Variants in LMNTD1 observed in about 807,000 individuals in gnomAD.
LMNTD1 encodes lamin tail domain-containing protein 1.
Under a neutral mutation model 50.9 loss-of-function variants are expected in LMNTD1, and 35 were observed. That is an observed-to-expected ratio of 0.69 (90% CI 0.53 to 0.91). The LOEUF (loss-of-function observed/expected upper bound fraction) is 0.91. Among genes scored for constraint, LMNTD1 ranks in the 40% least tolerant of loss-of-function variants. The pLI, the probability that LMNTD1 is intolerant of heterozygous loss-of-function variation, is 0.00. For missense variants in LMNTD1, 470 were observed against 475.5 expected, an observed-to-expected ratio of 0.99 and a Z score of 0.11; for synonymous variants, 153 against 161.9, an observed-to-expected ratio of 0.94 and a Z score of 0.42.
At chr12:25,527,494 T>A (rs1429998657) in intron 4 of LMNTD1, among the ~76,000 whole-genome samples, 2 of 151,298 alleles carry the variant, frequency 1.3e-5, no homozygotes, top group East Asian at 3.9e-4. Flanking sequence ...CATATCATTA[T>A]GTATCAGCAT....
At chr12:25,562,120 C>G (rs902759976) in intron 1 of LMNTD1, among the ~76,000 whole-genome samples, 3 of 152,174 alleles carry the variant, frequency 2.0e-5, no homozygotes, top group African/African-American at 7.2e-5. Context: ...TTAATTGGAA[C>G]ATTTAGCCCA....
chr12:25,633,139 A>C (rs1041219787), intron 1 of LMNTD1, among the ~76,000 whole-genome samples: 1 of 152,168 alleles, frequency 6.6e-6, no homozygotes, highest in Admixed American at 6.5e-5. Flanking sequence ...GATCCTAAAC[A>C]TATATCCACC....
At position 25,526,758 on chromosome 12, in the gene LMNTD1, C is replaced by T; in HGVS notation, c.678+11G>A. The T allele has an allele frequency of 6.4e-7, 1 of 1,572,432 alleles. No individual in the cohort carries two copies. The highest frequency in any genetic ancestry group is 8.7e-7 in the Non-Finnish European group (1 of 1,149,846). On this transcript the variant is annotated intron_variant, in intron 5 of 9. Transcript: ENST00000458174. Reference sequence around the variant, plus strand: ...AATTCTAATGTACAGTATTTATACTCTTATACTCACTGTTACTGTGGAATT... The same window carrying T: ...AATTCTAATGTACAGTATTTATACTTTTATACTCACTGTTACTGTGGAATT...
chr12:25,592,565 A>G (rs1049758477), intron 1 of LMNTD1: 1 of 152,218 alleles, frequency 6.6e-6, no homozygotes, highest in Non-Finnish European at 1.5e-5. Context: ...AGCCCTGTGG[A>G]CTCACTGGGT....
Position 25,552,886 on chromosome 12 carries a change from TTCTTA to T in LMNTD1, c.69_73del (p.Asp23GlufsTer2), listed in dbSNP as rs1943852090. 1.3e-6 allele frequency: 2 copies of T among 1,548,360 alleles called. No homozygotes were observed. The highest frequency in any genetic ancestry group is 1.4e-5 in the African/African-American group (1 of 73,084). ...GCATGCTCACTGTTTTTGTTTCTCA[TTCTTA>T]TCTTCCTGCTCATGGACTTTATTCT... is the stretch of plus-strand genomic sequence containing the variant. On this transcript the variant is annotated frameshift_variant, in exon 2 of 10. Transcript: ENST00000458174. LOFTEE classifies it high-confidence loss of function.
chr12:25,486,258 C>G (rs1211338778), intron 9 of LMNTD1, among the ~76,000 whole-genome samples: 7 of 140,844 alleles, frequency 5.0e-5, no homozygotes, highest in Non-Finnish European at 7.7e-5. Flanking sequence ...ATTTTATTCT[C>G]TTTGAAGCAA....
At chr12:25,624,905 G>C (rs1371950293) in intron 1 of LMNTD1, among the ~76,000 whole-genome samples, 1 of 152,154 alleles carries the variant, frequency 6.6e-6, no homozygotes, top group African/African-American at 2.4e-5. Context: ...AATTGCCTTT[G>C]CAATGCAAAC....
intron 9 of LMNTD1, among the ~76,000 whole-genome samples, chr12:25,491,414 A>G (rs1363957253): frequency 6.6e-6 from 1 of 152,226 alleles, no homozygotes; most frequent in African/African-American, 2.4e-5. Flanking sequence ...TGGACTATGA[A>G]GCTAAGGAAA....
At chr12:25,503,591 G>A (rs1264853589) in intron 9 of LMNTD1, 147 bp downstream of exon 9, 1 of 542,062 alleles carries the variant, frequency 1.8e-6, no homozygotes, top group East Asian at 3.1e-5. Flanking sequence ...GGCTCTAAAG[G>A]CAACATAAAT....
chr12:25,488,683 C>T (rs1194589666), intron 9 of LMNTD1, among the ~76,000 whole-genome samples: 6 of 152,282 alleles, frequency 3.9e-5, no homozygotes, highest in South Asian at 2.1e-4. Context: ...TGAGGAACTG[C>T]GTTCCTTTGG....
intron 3 of LMNTD1, 114 bp from the exon 4 acceptor site, chr12:25,546,668 T>C: frequency 1.8e-6 from 1 of 560,016 alleles, no homozygotes; most frequent in Non-Finnish European, 2.8e-6. Flanking sequence ...TATTTTTACA[T>C]TTTAATATCA....
chr12:25,480,155 T>C (rs1004236402), intron 9 of LMNTD1, among the ~76,000 whole-genome samples: 1 of 152,222 alleles, frequency 6.6e-6, no homozygotes, highest in African/African-American at 2.4e-5. Context: ...GATTAAATAG[T>C]TCCTATCCAG....
At chr12:25,516,254 T>C (rs769197801) in intron 8 of LMNTD1, among the ~76,000 whole-genome samples, 14 of 152,176 alleles carry the variant, frequency 9.2e-5, no homozygotes, top group Non-Finnish European at 1.6e-4. Context: ...TATGTAACGA[T>C]GTATAAAGAC....
intron 1 of LMNTD1, among the ~76,000 whole-genome samples, chr12:25,639,073 G>C (rs1592129469): frequency 6.6e-6 from 1 of 152,214 alleles, no homozygotes; most frequent in East Asian, 1.9e-4. Context: ...AAAAAGAGTG[G>C]TGTTTTCAAC....
intron 8 of LMNTD1, among the ~76,000 whole-genome samples, chr12:25,517,000 A>G (rs1303330052): frequency 6.8e-6 from 1 of 146,520 alleles, no homozygotes. Context: ...AATTAAAACC[A>G]CAATGAGATA....
At chr12:25,512,815 G>T (rs1940401906) in intron 8 of LMNTD1, among the ~76,000 whole-genome samples, 1 of 151,734 alleles carries the variant, frequency 6.6e-6, no homozygotes, top group Non-Finnish European at 1.5e-5. Context: ...TCCCTCTTGG[G>T]GCCAGTTGAA....
intron 1 of LMNTD1, among the ~76,000 whole-genome samples, chr12:25,625,691 T>A (rs1429107168): frequency 6.6e-6 from 1 of 152,252 alleles, no homozygotes; most frequent in Non-Finnish European, 1.5e-5. Flanking sequence ...AGTAGAGGAC[T>A]TCCTTTTTCC....
intron 1 of LMNTD1, among the ~76,000 whole-genome samples, chr12:25,566,440 T>A (rs1421126332): frequency 6.6e-6 from 1 of 152,232 alleles, no homozygotes; most frequent in Non-Finnish European, 1.5e-5. Flanking sequence ...AAGTATCTTG[T>A]TTGTATAACG....
chr12:25,602,779 G>T (rs1335308779), intron 1 of LMNTD1, among the ~76,000 whole-genome samples: 1 of 151,936 alleles, frequency 6.6e-6, no homozygotes, highest in African/African-American at 2.4e-5. Flanking sequence ...AGAACTAAAG[G>T]CAGATGGGAA....
Sources: gnomAD v4.1 joint callset for allele counts (sites outside exome capture counted in the v4.1 genomes callset) on GRCh38, gnomAD v4.1.1 for gene constraint, MANE v1.5 for transcripts, NCBI Gene and HGNC (gene_info 2026-07-23, HGNC 2026-07-21) for gene names.